Variants in WDFY4 observed in about 807,000 individuals in gnomAD.
WDFY4 encodes WD repeat- and FYVE domain-containing protein 4.
In WDFY4, 169 loss-of-function variants were observed where a neutral mutation model predicts 351.9. The ratio of observed to expected loss-of-function variants is 0.48; its 90% CI spans 0.42 to 0.55. WDFY4 has a LOEUF of 0.55. WDFY4 is among the 20% of genes least tolerant of loss of function. The pLI is 0.00. For missense variants in WDFY4, 3,803 were observed against 3,935.6 expected (o/e 0.97, Z 0.90); for synonymous variants, 1,622 against 1,574.6 (o/e 1.03, Z -0.71).
At chr10:48,932,803 G>T (rs983315226) in intron 47 of WDFY4, among the ~76,000 whole-genome samples, 1 of 152,186 alleles carries the variant, frequency 6.6e-6, no homozygotes, top group African/African-American at 2.4e-5. Flanking sequence ...GACTGAGGTG[G>T]GTGGGGAGGT....
Position 48,780,008 on chromosome 10 carries a change from G to T in WDFY4, c.3465G>T (p.Gln1155His), listed in dbSNP as rs779485522. Reference protein sequence around the residue: ...AGCQLQVRCGQLLACGQWHHL... With the variant: ...AGCQLQVRCGHLLACGQWHHL... ...GCCAGCTTCAGGTCAGGTGTGGCCAGCTCCTGGCTTGTGGTCAGTGGCATC... is the reference window on the plus strand; with the variant it reads ...GCCAGCTTCAGGTCAGGTGTGGCCATCTCCTGGCTTGTGGTCAGTGGCATC... The change falls in exon 19 of 62, where the codon CAG (glutamine) becomes CAT (histidine). Residue 1155 changes from glutamine (Q) to histidine (H), a missense_variant. This residue lies in a region of WDFY4 where 3,054 missense variants were observed against 3,148.6 expected (regional missense o/e 0.97). Coordinates refer to ENST00000325239, the MANE Select transcript of WDFY4 (RefSeq NM_001394531.1). 1.9e-6 allele frequency: 3 copies of T among 1,551,742 alleles called. No homozygotes were observed. In the South Asian group the frequency reaches 3.6e-5, roughly 18 times the overall value.
intron 10 of WDFY4, 105 bp from the exon 11 acceptor site, chr10:48,735,775 C>CA: frequency 2.5e-6 from 3 of 1,200,234 alleles, no homozygotes; most frequent in East Asian, 2.6e-5. Flanking sequence ...CAAAAAATAG[C>CA]AAAATGAAGT....
intron 19 of WDFY4, among the ~76,000 whole-genome samples, chr10:48,786,182 A>G (rs948638625): frequency 6.6e-6 from 1 of 152,156 alleles, no homozygotes; most frequent in East Asian, 1.9e-4. Flanking sequence ...TTGTGTATTG[A>G]TCATGTATCC....
chr10:48,970,235 T>C lies in WDFY4; in HGVS notation c.8874T>C (p.Cys2958=), dbSNP rs1231264207. Residue 2958 remains cysteine, a synonymous_variant, in exon 57 of 62, where the codon TGT becomes TGC. Transcript: ENST00000325239. The part of the protein sequence containing the change: ...IVTSGTSTVV[C]VWELSMTKGR... ...CCTCTGGGACCAGCACTGTGGTGTG[T>C]GTGTGGGAGCTCAGCATGACCAAAG... 6.4e-7 allele frequency: 1 copy of C among 1,551,704 alleles called. No homozygotes were observed.
At chr10:48,975,261 G>A (rs1842517670) in intron 58 of WDFY4, 1 of 675,636 alleles carries the variant, frequency 1.5e-6, no homozygotes, top group African/African-American at 1.8e-5. Flanking sequence ...TGGGGACAGT[G>A]GGAAGTGTCT....
At chr10:48,764,791 G>A (rs147672850) in intron 13 of WDFY4, among the ~76,000 whole-genome samples, 4 of 152,366 alleles carry the variant, frequency 2.6e-5, no homozygotes, top group Non-Finnish European at 5.9e-5. Context: ...AGAGACAAAC[G>A]TCACAGGACC....
chr10:48,805,334 C>G lies in WDFY4; in HGVS notation c.4559C>G (p.Pro1520Arg), dbSNP rs778590499. ...AAGCTCATCTTCCTATTCAATGAGC[C>G]GAGCCTCATCCCCTCCAAGATCTCC... ...IPKLIFLFNE[P>R]SLIPSKISTI... Residue 1520 changes from proline to arginine, a missense_variant, in exon 26 of 62, where the codon CCG (proline) becomes CGG (arginine). By Grantham distance (103) the Pro-to-Arg change is moderately radical. This residue lies in a region of WDFY4 where 3,054 missense variants were observed against 3,148.6 expected (regional missense o/e 0.97). Transcript: ENST00000325239. 3 of 1,548,652 alleles carry G rather than the reference C, an allele frequency of 1.9e-6. No homozygotes were observed. Among genetic ancestry groups the G allele is most frequent in the Non-Finnish European group, 2.6e-6 (3 of 1,146,858 alleles).
In WDFY4 at chr10:48,811,583, C is replaced by T. The variant is rs1420547674; in HGVS notation, c.5089C>T (p.Leu1697=). 4 of 1,552,130 alleles carry T rather than the reference C, an allele frequency of 2.6e-6. No homozygotes were observed. Among genetic ancestry groups the T allele is most frequent in the Non-Finnish European group, 3.5e-6 (4 of 1,147,116 alleles). Residue 1697 remains leucine (L), a synonymous_variant, in exon 30 of 62, where the codon CTG becomes TTG. Transcript: ENST00000325239. ...QSPLPEQSPC[L]LPGFRVLNDF... is the part of the protein sequence containing the mutation. ...ACCACTGCCTGAGCAAAGCCCATGC[C>T]TGCTTCCTGGGTTCCGTGTCTTGAA...
At chr10:48,763,289 G>A (rs952702607) in intron 13 of WDFY4, among the ~76,000 whole-genome samples, 2 of 152,242 alleles carry the variant, frequency 1.3e-5, no homozygotes, top group African/African-American at 4.8e-5. Flanking sequence ...ATGGTGAGGG[G>A]AAGATCTGAA....
chr10:48,785,715 T>A (rs1032151146), intron 19 of WDFY4, among the ~76,000 whole-genome samples: 2 of 152,226 alleles, frequency 1.3e-5, no homozygotes, highest in Non-Finnish European at 2.9e-5. Flanking sequence ...TATACCAATG[T>A]CACACTATAT....
In WDFY4 at chr10:48,694,346, C is replaced by G. The variant is rs567887809; in HGVS notation, c.-18+9345C>G. Among the ~76,000 whole-genome samples the G allele has an allele frequency of 2.5e-4, 38 of 152,242 alleles. No homozygotes were observed. In the South Asian group the frequency reaches 6.0e-3, roughly 24 times the overall value. On this transcript the variant is annotated intron_variant, in intron 1 of 61. Coordinates refer to ENST00000325239, the MANE Select transcript of WDFY4 (RefSeq NM_001394531.1). ...CCAGGTCTAGTTAAGCCCAGCCTCT[C>G]CTGTGGCTTTATTTCTTTCTCCTCT... is the stretch of plus-strand genomic sequence containing the variant.
intron 44 of WDFY4, among the ~76,000 whole-genome samples, chr10:48,895,060 G>T (rs1391761992): frequency 6.6e-6 from 1 of 152,224 alleles, no homozygotes; most frequent in Non-Finnish European, 1.5e-5. Flanking sequence ...TGGGAGGGTT[G>T]TTCTGAGAAG....
chr10:48,789,131 C>T (rs562443812), intron 21 of WDFY4, among the ~76,000 whole-genome samples: 15 of 152,274 alleles, frequency 9.9e-5, no homozygotes, highest in Non-Finnish European at 2.1e-4. Context: ...CTTCAGCCTC[C>T]TGAGTAGTTG....
At chr10:48,813,846 T>C in intron 30 of WDFY4, 111 bp from the exon 31 acceptor site, 1 of 1,295,388 alleles carries the variant, frequency 7.7e-7, no homozygotes, top group African/African-American at 1.5e-5. Flanking sequence ...GCCAGTGTGC[T>C]CTTTTGCTTT....
intron 44 of WDFY4, among the ~76,000 whole-genome samples, chr10:48,894,480 G>A (rs1448378222): frequency 6.6e-6 from 1 of 152,212 alleles, no homozygotes; most frequent in Non-Finnish European, 1.5e-5. Flanking sequence ...TCACCTCTCT[G>A]GAATGCAGTT....
At chr10:48,922,199 T>C (rs74133038) in intron 47 of WDFY4, among the ~76,000 whole-genome samples, 4,830 of 152,318 alleles carry the variant, frequency 0.032, 145 homozygotes, top group African/African-American at 0.074. Context: ...TTCATACATT[T>C]TGAATTGCTC....
intron 20 of WDFY4, 52 bp from the exon 21 acceptor site, chr10:48,788,478 T>G (rs1565200152): frequency 6.5e-7 from 1 of 1,528,926 alleles, no homozygotes; most frequent in Admixed American, 2.1e-5. Flanking sequence ...TGAGGATTAA[T>G]TTCCTGCTCT....
chr10:48,867,391 C>A, intron 40 of WDFY4, 49 bp downstream of exon 40: 4 of 1,239,760 alleles, frequency 3.2e-6, no homozygotes, highest in East Asian at 2.9e-5. Context: ...TGGAATCCAC[C>A]TTGAACCTGA....
Position 48,723,479 on chromosome 10 carries a change from T to C in WDFY4, c.503T>C (p.Leu168Pro), listed in dbSNP as rs1321354595. ...VAESGLPALL[L>P]QCLYLFFVFP... ...GAGTCTGGGCTTCCAGCCCTGCTCC[T>C]ACAGTGCCTTTACCTCTTCTTTGTC... Residue 168 changes from leucine to proline, a missense_variant, in exon 5 of 62, where the codon CTA becomes CCA. Physicochemically the swap from Leu to Pro is moderately conservative, Grantham distance 98. Transcript: ENST00000325239. 6.4e-7 allele frequency: 1 copy of C among 1,551,098 alleles called. No homozygotes were observed. Among genetic ancestry groups the C allele is most frequent in the Non-Finnish European group, 8.7e-7 (1 of 1,147,010 alleles).
Sources: allele counts gnomAD v4.1 joint callset (sites outside exome capture counted in the v4.1 genomes callset), GRCh38; gene constraint gnomAD v4.1.1; regional missense constraint gnomAD v4.1.1; transcripts MANE v1.5; gene names NCBI Gene and HGNC (gene_info 2026-07-23, HGNC 2026-07-21).